The following CALCOCO2 variants were observed in gnomAD, a reference collection of about 807,000 sequenced individuals.
CALCOCO2 encodes the protein calcium binding and coiled-coil domain 2.
CALCOCO2 carries 42 observed loss-of-function variants against 62.5 expected under a neutral mutation model. That is an observed-to-expected ratio of 0.67 (90% CI 0.53 to 0.87). The LOEUF is 0.87. Ranked by LOEUF, CALCOCO2 falls within the 40% of genes least tolerant of loss-of-function variation. The probability of loss-of-function intolerance (pLI) is 0.00; values close to 1 mark genes in which losing one functional copy is unlikely to be tolerated. For missense variants in CALCOCO2, 456 were observed against 515.0 expected (o/e 0.89, Z 1.11); for synonymous variants, 167 against 173.0 (o/e 0.97, Z 0.27).
intron 1 of CALCOCO2, among the ~76,000 whole-genome samples, chr17:48,841,364 C>A (rs757592426): frequency 2.0e-5 from 3 of 152,048 alleles, no homozygotes; most frequent in Non-Finnish European, 4.4e-5. Context: ...TTAACAGTTC[C>A]CAGCTCAGGC....
chr17:48,857,974 CAATAGAATAGAATAG>C (rs1555573799), intron 10 of CALCOCO2, among the ~76,000 whole-genome samples: 52 of 40,192 alleles, frequency 1.3e-3, no homozygotes, highest in African/African-American at 2.8e-3. Context: ...AAGACTACAT[CAATAGAATAGAATAG>C]AATAGAATAG....
chr17:48,847,679 G>A (rs649245), intron 2 of CALCOCO2: 24,868 of 153,798 alleles, frequency 0.16, 2,909 homozygotes, highest in East Asian at 0.68. Context: ...TTTTGGAGAC[G>A]GAGTCTCACT....
intron 9 of CALCOCO2, among the ~76,000 whole-genome samples, chr17:48,853,976 C>G (rs549525630): frequency 6.6e-6 from 1 of 152,232 alleles, no homozygotes; most frequent in East Asian, 1.9e-4. Flanking sequence ...TAGGCACATT[C>G]CAGTTTGTGA....
chr17:48,862,030 C>A (rs1361719439), intron 11 of CALCOCO2, among the ~76,000 whole-genome samples: 5 of 136,166 alleles, frequency 3.7e-5, no homozygotes, highest in Non-Finnish European at 7.7e-5. Context: ...GCCTAGGCGA[C>A]AAAGCGAGAC....
chr17:48,843,449 C>G (rs967920461), intron 2 of CALCOCO2, among the ~76,000 whole-genome samples: 3 of 152,196 alleles, frequency 2.0e-5, no homozygotes, highest in Admixed American at 6.5e-5. Context: ...AAATCAGACA[C>G]CATTCTCAAC....
Position 48,839,005 on chromosome 17 carries a change from C to CT in CALCOCO2, c.-10-2681dup, listed in dbSNP as rs560816686. Among the ~76,000 whole-genome samples, 1,266 of 145,152 alleles carry CT rather than the reference C, an allele frequency of 8.7e-3. 8 individuals are homozygous for CT. The highest frequency in any genetic ancestry group is 0.022 in the African/African-American group (873 of 39,908). On this transcript the variant is annotated intron_variant, in intron 1 of 12. Coordinates refer to ENST00000258947, the MANE Select transcript of CALCOCO2 (RefSeq NM_005831.5). ...GTCAACAATTAAAATCACTTTGTTT[C>CT]TTTTTTTTTTTTGAGACGGAGTCTC...
At chr17:48,859,479 G>A (rs754516661) in intron 10 of CALCOCO2, among the ~76,000 whole-genome samples, 10 of 152,140 alleles carry the variant, frequency 6.6e-5, no homozygotes, top group Non-Finnish European at 8.8e-5. Context: ...TCGTGTGCCT[G>A]TAGTCCCAGC....
At chr17:48,852,410 GA>G in intron 7 of CALCOCO2, 95 bp from the exon 8 acceptor site, 1 of 1,111,764 alleles carries the variant, frequency 9.0e-7, no homozygotes, top group Non-Finnish European at 1.3e-6. Context: ...AGTTGCTAGG[GA>G]AACACATCTC....
At chr17:48,858,058 ATAGAAT>A (rs2040266855) in intron 10 of CALCOCO2, among the ~76,000 whole-genome samples, 1 of 143,302 alleles carries the variant, frequency 7.0e-6, no homozygotes, top group Non-Finnish European at 1.5e-5. Flanking sequence ...ATAGAATAGA[ATAGAAT>A]AGAATAGAAT....
At chr17:48,858,776 C>T (rs150700107) in intron 10 of CALCOCO2, among the ~76,000 whole-genome samples, 14 of 151,006 alleles carry the variant, frequency 9.3e-5, no homozygotes, top group Non-Finnish European at 1.3e-4. Context: ...AACTGTAGGC[C>T]GGGTGCTGTG....
intron 2 of CALCOCO2, chr17:48,842,731 C>G (rs909581428): frequency 7.2e-5 from 11 of 152,178 alleles, no homozygotes; most frequent in African/African-American, 2.7e-4. Flanking sequence ...ACCCCCACCT[C>G]CCAGGTTCAA....
chr17:48,839,207 C>T (rs188719703), intron 1 of CALCOCO2, among the ~76,000 whole-genome samples: 12 of 151,848 alleles, frequency 7.9e-5, no homozygotes, highest in African/African-American at 2.9e-4. Context: ...CGGGGTTTCA[C>T]CATGTTAGCC....
At chr17:48,836,716 CAT>C (rs2039896070) in intron 1 of CALCOCO2, among the ~76,000 whole-genome samples, 1 of 149,930 alleles carries the variant, frequency 6.7e-6, no homozygotes, top group African/African-American at 2.5e-5. Context: ...GGTCTACTGA[CAT>C]ATGGAGGCCA....
chr17:48,841,680 T>C lies in CALCOCO2; in HGVS notation c.-10-18T>C. On this transcript the variant is annotated intron_variant, in intron 1 of 12. Coordinates refer to ENST00000258947, the MANE Select transcript of CALCOCO2 (RefSeq NM_005831.5). ...ACAATGCTTTCTGAGCCTTACTCTG[T>C]TCCACATTTCATAACAGGACCCCTA... 6.4e-7 allele frequency: 1 copy of C among 1,559,748 alleles called. No homozygotes were observed. Among genetic ancestry groups the C allele is most frequent in the Non-Finnish European group, 8.8e-7 (1 of 1,140,050 alleles).
chr17:48,857,997 TAGAA>T (rs1567759084), intron 10 of CALCOCO2, among the ~76,000 whole-genome samples: 5 of 19,552 alleles, frequency 2.6e-4, no homozygotes, highest in Admixed American at 6.1e-4. Flanking sequence ...TAGAATAGAA[TAGAA>T]TAGAATAGAA....
intron 4 of CALCOCO2, 118 bp downstream of exon 4, chr17:48,848,573 T>C (rs1420035871): frequency 4.5e-6 from 4 of 895,252 alleles, no homozygotes; most frequent in East Asian, 4.8e-5. Context: ...TTGGAAAAAA[T>C]GTATGTAGTA....
intron 1 of CALCOCO2, among the ~76,000 whole-genome samples, chr17:48,834,196 C>T (rs1468217140): frequency 1.3e-5 from 2 of 151,120 alleles, no homozygotes; most frequent in Non-Finnish European, 2.9e-5. Context: ...GGATCTATGT[C>T]CTCATGGAAC....
In CALCOCO2 at chr17:48,854,399, T is replaced by A. The variant is rs1467720585; in HGVS notation, c.912+1387T>A. Reference sequence around the variant, plus strand: ...TCTTTTATTTATATATATATATATTTTTTTTTTTTTTTTTTTTTTTTTTTT... The same window carrying A: ...TCTTTTATTTATATATATATATATTATTTTTTTTTTTTTTTTTTTTTTTTT... On this transcript the variant is annotated intron_variant, in intron 9 of 12. Transcript: ENST00000258947. 2.5e-3 allele frequency among the ~76,000 whole-genome samples: 54 copies of A among 21,898 alleles called. 4 individuals are homozygous for A. The highest frequency in any genetic ancestry group is 0.024 in the East Asian group (6 of 250). The allele number at this position is 21,898 out of a possible 152,430, so 14.4% of individuals were successfully genotyped here.
At chr17:48,848,853 T>G in intron 4 of CALCOCO2, 1 of 478,658 alleles carries the variant, frequency 2.1e-6, no homozygotes, top group Non-Finnish European at 4.1e-6. Flanking sequence ...ATTTTCTTAC[T>G]TCATCATTTA....
Sources: gnomAD v4.1 joint callset for allele counts (sites outside exome capture counted in the v4.1 genomes callset) on GRCh38, gnomAD v4.1.1 for gene constraint, MANE v1.5 for transcripts, NCBI Gene and HGNC (gene_info 2026-07-23, HGNC 2026-07-21) for gene names.